WWOX: variants seen among roughly 807,000 people sequenced by gnomAD.
WWOX encodes the protein WW domain containing oxidoreductase.
WWOX carries 69 observed loss-of-function variants against 46.2 expected under a neutral mutation model. The ratio of observed to expected loss-of-function variants is 1.49; its 90% CI spans 1.23 to 1.82. The LOEUF (loss-of-function observed/expected upper bound fraction) is 1.82, where lower values mean the gene tolerates loss of function less well. WWOX is among the 40% of genes most tolerant of loss of function. The pLI is 0.00. For missense variants in WWOX, 919 were observed against 542.6 expected (o/e 1.69, Z -6.89); for synonymous variants, 359 against 202.6 (o/e 1.77, Z -6.56).
chr16:78,875,540 G>A (rs1199091635), intron 8 of WWOX, among the ~76,000 whole-genome samples: 1 of 152,120 alleles, frequency 6.6e-6, no homozygotes, highest in Non-Finnish European at 1.5e-5. Flanking sequence ...CCTTCTGTCT[G>A]TTCTTGGCTA....
intron 8 of WWOX, among the ~76,000 whole-genome samples, chr16:79,145,515 C>T (rs1374252870): frequency 6.6e-6 from 1 of 152,074 alleles, no homozygotes; most frequent in African/African-American, 2.4e-5. Flanking sequence ...AAATATTATT[C>T]CAAACTGTAA....
chr16:78,374,891 G>A (rs538834610), intron 5 of WWOX, among the ~76,000 whole-genome samples: 1 of 151,990 alleles, frequency 6.6e-6, no homozygotes, highest in African/African-American at 2.4e-5. Context: ...TCACCAGGTT[G>A]GCCAGCCTGG....
intron 8 of WWOX, among the ~76,000 whole-genome samples, chr16:78,685,617 T>G (rs952560586): frequency 6.6e-6 from 1 of 152,244 alleles, no homozygotes; most frequent in Non-Finnish European, 1.5e-5. Context: ...ATATTTCACA[T>G]GGCCATATAT....
chr16:78,363,913 C>T (rs1253239381), intron 5 of WWOX, among the ~76,000 whole-genome samples: 4 of 152,210 alleles, frequency 2.6e-5, no homozygotes, highest in South Asian at 2.1e-4. Context: ...GCCGTCTCTC[C>T]GCCATCTTGT....
At chr16:78,593,738 G>A (rs58293123) in intron 8 of WWOX, among the ~76,000 whole-genome samples, 1,433 of 16,862 alleles carry the variant, frequency 0.085, 20 homozygotes, top group African/African-American at 0.12. Context: ...AAAAAAAAAA[G>A]AGAGAGAGAG....
intron 7 of WWOX, among the ~76,000 whole-genome samples, chr16:78,430,571 C>T (rs910770700): frequency 5.9e-5 from 9 of 152,136 alleles, no homozygotes; most frequent in Non-Finnish European, 1.0e-4. Context: ...CACCAGCAGT[C>T]ATCACGACAA....
intron 8 of WWOX, among the ~76,000 whole-genome samples, chr16:79,006,146 C>T (rs914424612): frequency 1.3e-5 from 2 of 152,156 alleles, no homozygotes; most frequent in African/African-American, 2.4e-5. Context: ...AGACAATGAG[C>T]GCTGAGATTG....
At chr16:78,552,171 C>G (rs1234170764) in intron 8 of WWOX, 1 of 152,188 alleles carries the variant, frequency 6.6e-6, no homozygotes, top group Admixed American at 6.5e-5. Flanking sequence ...CAAATGTGAC[C>G]TCCAATTAAA....
intron 1 of WWOX, among the ~76,000 whole-genome samples, chr16:78,101,499 A>C (rs1191085963): frequency 1.3e-5 from 2 of 151,594 alleles, no homozygotes; most frequent in Non-Finnish European, 2.9e-5. Flanking sequence ...GGCGCCCGCC[A>C]CCAGGCCTGG....
rs187311295 is a variant in WWOX, at chr16:79,189,806, G to A, written c.1057-21802G>A. Among the ~76,000 whole-genome samples the A allele has an allele frequency of 8.3e-4, 125 of 151,480 alleles. 2 individuals are homozygous for A. The highest frequency in any genetic ancestry group is 4.3e-3 in the East Asian group (22 of 5,086). ...TTACCTGCTCCCGGTGGGAGGGGGG[G>A]GATATTTATTTGGCATCTTGCAATT... On this transcript the variant is annotated intron_variant, in intron 8 of 8. Transcript: ENST00000566780.
intron 8 of WWOX, among the ~76,000 whole-genome samples, chr16:78,467,587 C>T (rs2084112154): frequency 6.6e-6 from 1 of 152,040 alleles, no homozygotes; most frequent in Non-Finnish European, 1.5e-5. Context: ...TTTGAAAACT[C>T]GGGGATAATG....
chr16:78,540,020 T>TCTCTCTCTCTCTCACACACA lies in WWOX; in HGVS notation c.1056+107269_1056+107270insTCTCTCTCTCTCACACACAC, dbSNP rs369075883. Among the ~76,000 whole-genome samples, 451 of 132,852 alleles carry TCTCTCTCTCTCTCACACACA rather than the reference T, an allele frequency of 3.4e-3. 2 individuals are homozygous for TCTCTCTCTCTCTCACACACA. Among genetic ancestry groups the TCTCTCTCTCTCTCACACACA allele is most frequent in the African/African-American group, 0.013 (435 of 33,204 alleles). The allele number at this position is 132,852 out of a possible 152,430, so 87.2% of individuals were successfully genotyped here. A position where few individuals can be genotyped will look rare whatever the true frequency, so the allele number is the denominator to read the frequency against. On this transcript the variant is annotated intron_variant, in intron 8 of 8. Coordinates refer to ENST00000566780, the MANE Select transcript of WWOX (RefSeq NM_016373.4). ...CTTTCTCTCTCTCTCTCTCTCTCTC[T>TCTCTCTCTCTCTCACACACA]CACACACACACACACACACACACAC...
At chr16:78,955,861 C>T (rs1343862442) in intron 8 of WWOX, among the ~76,000 whole-genome samples, 1 of 151,836 alleles carries the variant, frequency 6.6e-6, no homozygotes, top group Non-Finnish European at 1.5e-5. Flanking sequence ...CCAGGCTGGT[C>T]TCTAATTCCT....
chr16:78,598,308 A>T (rs2045537954), intron 8 of WWOX, among the ~76,000 whole-genome samples: 1 of 152,202 alleles, frequency 6.6e-6, no homozygotes, highest in South Asian at 2.1e-4. Context: ...GTGTTTTAAG[A>T]TGTGTAAGAC....
At chr16:78,597,578 GATT>G (rs1256084268) in intron 8 of WWOX, among the ~76,000 whole-genome samples, 1 of 152,106 alleles carries the variant, frequency 6.6e-6, no homozygotes, top group Non-Finnish European at 1.5e-5. Flanking sequence ...CCAGGACTTA[GATT>G]TTTCTGGAAA....
intron 8 of WWOX, among the ~76,000 whole-genome samples, chr16:78,711,103 G>C (rs367984244): frequency 6.6e-6 from 1 of 152,102 alleles, no homozygotes; most frequent in African/African-American, 2.4e-5. Flanking sequence ...CTTCCAACAC[G>C]TTTCTTTAAA....
At chr16:78,434,299 A>T (rs2083289490) in intron 8 of WWOX, among the ~76,000 whole-genome samples, 2 of 152,158 alleles carry the variant, frequency 1.3e-5, no homozygotes, top group African/African-American at 4.8e-5. Flanking sequence ...GATCTCTAGG[A>T]AGTAAATGAA....
At chr16:79,163,534 C>T (rs1028489113) in intron 8 of WWOX, among the ~76,000 whole-genome samples, 1 of 152,120 alleles carries the variant, frequency 6.6e-6, no homozygotes. Context: ...CATGGTGGCT[C>T]ACACCTGTAA....
chr16:79,033,774 T>C (rs893540141), intron 8 of WWOX, among the ~76,000 whole-genome samples: 25 of 152,232 alleles, frequency 1.6e-4, no homozygotes, highest in African/African-American at 6.0e-4. Context: ...GTCTATGAAT[T>C]CGACTACTCT....
Sources: allele counts gnomAD v4.1 joint callset (sites outside exome capture counted in the v4.1 genomes callset), GRCh38; gene constraint gnomAD v4.1.1; transcripts MANE v1.5; gene names NCBI Gene and HGNC (gene_info 2026-07-23, HGNC 2026-07-21).